The following SETBP1 variants were observed in gnomAD, a reference collection of about 807,000 sequenced individuals.
The protein encoded by SETBP1 is SET-binding protein.
In SETBP1, 9 loss-of-function variants were observed where a neutral mutation model predicts 101.0. The ratio of observed to expected loss-of-function variants is 0.09; its 90% CI spans 0.05 to 0.16. The LOEUF is 0.16. Ranked by LOEUF, SETBP1 falls within the 10% of genes least tolerant of loss-of-function variation. The probability of loss-of-function intolerance (pLI) is 1.00; values close to 1 mark genes in which losing one functional copy is unlikely to be tolerated. For synonymous variants in SETBP1, 818 were observed against 788.5 expected (o/e 1.04, Z -0.63); for missense variants, 1,858 against 2,033.8 (o/e 0.91, Z 1.66).
chr18:45,019,063 T>A (rs2073006151), intron 4 of SETBP1, among the ~76,000 whole-genome samples: 1 of 152,180 alleles, frequency 6.6e-6, no homozygotes, highest in Non-Finnish European at 1.5e-5. Flanking sequence ...GACAAGCCTT[T>A]GATGACACCA....
chr18:44,730,254 G>A (rs1056044350), intron 2 of SETBP1, among the ~76,000 whole-genome samples: 1 of 152,184 alleles, frequency 6.6e-6, no homozygotes, highest in African/African-American at 2.4e-5. Context: ...GTTTTATTCT[G>A]TCTATTCTAC....
At chr18:44,830,830 A>C (rs185250072) in intron 2 of SETBP1, among the ~76,000 whole-genome samples, 1 of 152,344 alleles carries the variant, frequency 6.6e-6, no homozygotes, top group South Asian at 2.1e-4. Flanking sequence ...AACCCTATAC[A>C]TTGAGAATTT....
chr18:44,950,169 T>C lies in SETBP1; in HGVS notation c.829T>C (p.Leu277=). ...CAGTGCAGGGAACACGTGGAGTCAGTTGTCTAACAATAACAAAGATCTGCT... is the reference window on the plus strand; with the variant it reads ...CAGTGCAGGGAACACGTGGAGTCAGCTGTCTAACAATAACAAAGATCTGCT... ...KGSAGNTWSQ[L]SNNNKDLLLG... Residue 277 remains leucine (L), a synonymous_variant, in exon 4 of 6, where the codon TTG becomes CTG. Transcript: ENST00000649279. The C allele has an allele frequency of 6.2e-7, 1 of 1,613,916 alleles. No individual in the cohort carries two copies.
chr18:44,797,018 G>A (rs1399956719), intron 2 of SETBP1, among the ~76,000 whole-genome samples: 1 of 152,156 alleles, frequency 6.6e-6, no homozygotes, highest in Non-Finnish European at 1.5e-5. Flanking sequence ...ATTGTTCTCT[G>A]AACTTGATCT....
intron 2 of SETBP1, among the ~76,000 whole-genome samples, chr18:44,832,055 T>C (rs920069915): frequency 4.6e-5 from 7 of 152,244 alleles, no homozygotes; most frequent in African/African-American, 1.7e-4. Context: ...TTTAAAATGC[T>C]AAGAATGAGA....
At chr18:44,754,476 A>G (rs1260119378) in intron 2 of SETBP1, among the ~76,000 whole-genome samples, 1 of 152,226 alleles carries the variant, frequency 6.6e-6, no homozygotes, top group Non-Finnish European at 1.5e-5. Flanking sequence ...TCTATTTTGT[A>G]TCATCAGTGG....
At chr18:44,793,410 C>G (rs543740508) in intron 2 of SETBP1, among the ~76,000 whole-genome samples, 28 of 152,278 alleles carry the variant, frequency 1.8e-4, no homozygotes, top group African/African-American at 6.7e-4. Context: ...TTCTAATTTC[C>G]AGCCCTGGTT....
At chr18:44,956,492 T>C (rs1408970132) in intron 4 of SETBP1, among the ~76,000 whole-genome samples, 4 of 152,142 alleles carry the variant, frequency 2.6e-5, no homozygotes, top group Admixed American at 6.6e-5. Flanking sequence ...AGGGTCATGA[T>C]TGGAAATAAG....
intron 4 of SETBP1, among the ~76,000 whole-genome samples, chr18:44,971,377 T>C (rs952095334): frequency 1.3e-5 from 2 of 152,212 alleles, no homozygotes; most frequent in Admixed American, 1.3e-4. Context: ...TTATAATCCT[T>C]TGGGTATATA....
intron 2 of SETBP1, among the ~76,000 whole-genome samples, chr18:44,823,292 A>G (rs970687342): frequency 2.6e-5 from 4 of 152,238 alleles, no homozygotes; most frequent in Non-Finnish European, 5.9e-5. Flanking sequence ...AGAAATAGAT[A>G]TCCCTGGATT....
chr18:44,930,578 G>T (rs1227284941), intron 3 of SETBP1, among the ~76,000 whole-genome samples: 1 of 152,068 alleles, frequency 6.6e-6, no homozygotes, highest in Non-Finnish European at 1.5e-5. Context: ...GACTTTTTTT[G>T]ATTGGTAGGC....
At chr18:44,864,258 T>G (rs368592759) in intron 2 of SETBP1, among the ~76,000 whole-genome samples, 2 of 152,190 alleles carry the variant, frequency 1.3e-5, no homozygotes, top group African/African-American at 2.4e-5. Flanking sequence ...GTACCATGGA[T>G]AGTTTTGGGT....
chr18:44,972,337 T>G (rs1599394712), intron 4 of SETBP1, among the ~76,000 whole-genome samples: 1 of 152,200 alleles, frequency 6.6e-6, no homozygotes, highest in African/African-American at 2.4e-5. Context: ...TCTTTTGGCT[T>G]AGGATTGACT....
chr18:44,695,577 G>A (rs556782706), intron 1 of SETBP1, among the ~76,000 whole-genome samples: 4 of 152,264 alleles, frequency 2.6e-5, no homozygotes, highest in South Asian at 2.1e-4. Flanking sequence ...TGTGTTTTAC[G>A]TGTGAAGATG....
chr18:44,773,822 C>T (rs2070929526), intron 2 of SETBP1, among the ~76,000 whole-genome samples: 8 of 101,414 alleles, frequency 7.9e-5, no homozygotes, highest in Admixed American at 3.3e-4. Flanking sequence ...CTCTCTCTCT[C>T]TGTCTCTCTC....
At chr18:44,716,049 C>A (rs1390737025) in intron 2 of SETBP1, among the ~76,000 whole-genome samples, 2 of 152,190 alleles carry the variant, frequency 1.3e-5, no homozygotes, top group Non-Finnish European at 2.9e-5. Flanking sequence ...CAGGAAAAAA[C>A]CATCTGCTGA....
intron 4 of SETBP1, among the ~76,000 whole-genome samples, chr18:45,023,720 A>C (rs2073113712): frequency 6.6e-6 from 1 of 152,130 alleles, no homozygotes; most frequent in Non-Finnish European, 1.5e-5. Flanking sequence ...GGTAGTGTCC[A>C]CCCTAAATGC....
intron 5 of SETBP1, among the ~76,000 whole-genome samples, chr18:45,058,908 A>G (rs917129878): frequency 6.6e-5 from 10 of 152,212 alleles, no homozygotes; most frequent in African/African-American, 2.4e-4. Context: ...GCTACAAGCT[A>G]AGCCTTCTAG....
chr18:44,757,267 T>C (rs2070518222), intron 2 of SETBP1, among the ~76,000 whole-genome samples: 1 of 152,216 alleles, frequency 6.6e-6, no homozygotes, highest in Non-Finnish European at 1.5e-5. Context: ...TGATCATTTT[T>C]GTCCGTGAAA....
Sources: gnomAD v4.1 joint callset for allele counts (sites outside exome capture counted in the v4.1 genomes callset) on GRCh38, gnomAD v4.1.1 for gene constraint, MANE v1.5 for transcripts, NCBI Gene and HGNC (gene_info 2026-07-23, HGNC 2026-07-21) for gene names.